Variants in PCGF6 observed in about 807,000 individuals in gnomAD.
PCGF6 encodes the protein polycomb group ring finger 6.
Under a neutral mutation model 45.5 loss-of-function variants are expected in PCGF6, and 24 were observed. The observed-to-expected ratio is 0.53, with a 90% CI of 0.38 to 0.74. PCGF6 has a LOEUF of 0.74. Among genes scored for constraint, PCGF6 ranks in the 30% least tolerant of loss-of-function variants. The probability of loss-of-function intolerance (pLI) is 0.00; values close to 1 mark genes in which losing one functional copy is unlikely to be tolerated. For synonymous variants in PCGF6, 152 were observed against 162.1 expected (o/e 0.94, Z 0.47); for missense variants, 356 against 443.2 (o/e 0.80, Z 1.77).
At chr10:103,349,089 C>A in intron 1 of PCGF6, 90 bp from the exon 2 acceptor site, 1 of 1,142,474 alleles carries the variant, frequency 8.8e-7, no homozygotes, top group Admixed American at 2.3e-5. Context: ...CACTCTGTAG[C>A]CCAAGCTGAG....
At chr10:103,315,682 A>G (rs1390800969) in intron 8 of PCGF6, among the ~76,000 whole-genome samples, 1 of 150,982 alleles carries the variant, frequency 6.6e-6, no homozygotes, top group East Asian at 2.0e-4. Flanking sequence ...TCTTTTTTCA[A>G]TTTTTGTAGA....
intron 8 of PCGF6, among the ~76,000 whole-genome samples, chr10:103,319,998 G>C (rs1304013789): frequency 6.6e-6 from 1 of 151,960 alleles, no homozygotes; most frequent in African/African-American, 2.4e-5. Flanking sequence ...AGTAGAGATG[G>C]GGTTTCACCA....
At chr10:103,323,279 A>C (rs920078788) in intron 8 of PCGF6, among the ~76,000 whole-genome samples, 3 of 152,164 alleles carry the variant, frequency 2.0e-5, no homozygotes, top group Non-Finnish European at 2.9e-5. Context: ...ATCGGTACTA[A>C]AAACACTAGC....
rs543539041 is a variant in PCGF6, at chr10:103,317,181, T to C, written c.910-2909A>G. ...GCACGCCACCACACTCGGCTAATTT[T>C]TGTATTTTTAGTGGAGATGGGATTT... On this transcript the variant is annotated intron_variant, in intron 8 of 9. Coordinates refer to ENST00000369847, the MANE Select transcript of PCGF6 (RefSeq NM_001011663.2). 1.1e-4 allele frequency among the ~76,000 whole-genome samples: 16 copies of C among 152,192 alleles called. No homozygotes were observed. In the South Asian group the frequency reaches 1.2e-3, roughly 12 times the overall value.
At chr10:103,347,513 G>A (rs1270972050) in intron 3 of PCGF6, 63 bp from the exon 4 acceptor site, 15 of 1,351,118 alleles carry the variant, frequency 1.1e-5, no homozygotes, top group African/African-American at 1.5e-5. Context: ...GGTACAGAGT[G>A]AGTTAATTGT....
At chr10:103,312,932 G>C (rs986144527) in intron 9 of PCGF6, among the ~76,000 whole-genome samples, 1 of 152,048 alleles carries the variant, frequency 6.6e-6, no homozygotes, top group African/African-American at 2.4e-5. Flanking sequence ...CTGCACTCCA[G>C]CCTGGGCGAC....
chr10:103,349,053 CTT>C (rs375964723), intron 1 of PCGF6, 54 bp from the exon 2 acceptor site: 2,864 of 1,149,064 alleles, frequency 2.5e-3, no homozygotes, highest in Admixed American at 3.1e-3. Context: ...TTTACAAATT[CTT>C]TTTTTTTTTT....
At chr10:103,348,870 A>C (rs1177514358) in intron 2 of PCGF6, 30 bp downstream of exon 2, 1 of 1,603,914 alleles carries the variant, frequency 6.2e-7, no homozygotes, top group Admixed American at 1.7e-5. Flanking sequence ...AAACTGAAAA[A>C]TTATTCAGAA....
chr10:103,326,648 G>C lies in PCGF6; in HGVS notation c.811-16C>G. ...TTTCCAATGGCTACAAAAACAGACA[G>C]ATAAAACTATTTTTAGGTTAAATAT... On this transcript the variant is annotated splice_polypyrimidine_tract_variant and intron_variant, in intron 7 of 9. Transcript: ENST00000369847. 3 of 1,592,802 alleles carry C rather than the reference G, an allele frequency of 1.9e-6. No homozygotes were observed. Among genetic ancestry groups the C allele is most frequent in the Non-Finnish European group, 2.6e-6 (3 of 1,166,280 alleles).
chr10:103,320,456 G>A (rs968167759), intron 8 of PCGF6, among the ~76,000 whole-genome samples: 1 of 152,174 alleles, frequency 6.6e-6, no homozygotes, highest in African/African-American at 2.4e-5. Context: ...GGAGGCCGAG[G>A]TGGGCAGATT....
rs1292032963 is a variant in PCGF6, at chr10:103,342,869, TTA to T, written c.782+2153_782+2154del. ...TCTTCTAATTTTTCCAAAGGGATCT[TTA>T]TGTCATTATCATCAACCACTACTAT... On this transcript the variant is annotated intron_variant, in intron 6 of 9. Coordinates refer to ENST00000369847, the MANE Select transcript of PCGF6 (RefSeq NM_001011663.2). 6.6e-5 allele frequency among the ~76,000 whole-genome samples: 10 copies of T among 152,318 alleles called. No individual in the cohort carries two copies. In the South Asian group the frequency reaches 1.2e-3, roughly 19 times the overall value.
intron 8 of PCGF6, among the ~76,000 whole-genome samples, chr10:103,319,319 T>G (rs558495328): frequency 1.3e-5 from 2 of 152,010 alleles, no homozygotes; most frequent in Non-Finnish European, 2.9e-5. Flanking sequence ...AGCTAATTTT[T>G]TTTTTGTATT....
intron 8 of PCGF6, among the ~76,000 whole-genome samples, chr10:103,314,954 T>TAAAA (rs60182387): frequency 5.2e-4 from 30 of 57,164 alleles, no homozygotes; most frequent in East Asian, 1.2e-3. Context: ...GACTCTGTCA[T>TAAAA]AAAAAAAAAA....
intron 7 of PCGF6, among the ~76,000 whole-genome samples, chr10:103,328,015 C>T (rs2093225644): frequency 6.6e-6 from 1 of 152,020 alleles, no homozygotes. Context: ...AGATCACTAT[C>T]TAGACACATG....
chr10:103,345,626 G>A (rs955167305), intron 5 of PCGF6, among the ~76,000 whole-genome samples: 3 of 151,330 alleles, frequency 2.0e-5, no homozygotes, highest in Non-Finnish European at 3.0e-5. Flanking sequence ...TCAGGAGTTC[G>A]AGACCAGCCT....
intron 7 of PCGF6, among the ~76,000 whole-genome samples, chr10:103,328,103 T>C (rs936163010): frequency 1.3e-5 from 2 of 152,158 alleles, no homozygotes; most frequent in African/African-American, 4.8e-5. Context: ...TAAAAACTAA[T>C]GCTTACCCAG....
At chr10:103,350,680 GC>G in intron 1 of PCGF6, 26 bp downstream of exon 1, 1 of 1,451,964 alleles carries the variant, frequency 6.9e-7, no homozygotes, top group Admixed American at 2.4e-5. Flanking sequence ...CTTGGGCCCA[GC>G]GGGGTCGCGC....
Position 103,309,810 on chromosome 10 carries a change from A to ATT in PCGF6, c.996+4375_996+4376insAA, listed in dbSNP as rs1383387118. Reference sequence around the variant, plus strand: ...GCCAGATGTGGTGGTGCACATCTGTAACGTCTGTTGTCCCAGCTACTTGGG... The same window carrying ATT: ...GCCAGATGTGGTGGTGCACATCTGTATTACGTCTGTTGTCCCAGCTACTTGGG... On this transcript the variant is annotated intron_variant, in intron 9 of 9. Transcript: ENST00000369847. Among the ~76,000 whole-genome samples the ATT allele has an allele frequency of 2.6e-5, 4 of 152,052 alleles. No homozygotes were observed. The East Asian group carries it at 5.8e-4, about 22-fold the overall frequency.
intron 7 of PCGF6, among the ~76,000 whole-genome samples, chr10:103,332,216 G>T (rs73334821): frequency 0.037 from 5,569 of 152,204 alleles, 349 homozygotes; most frequent in African/African-American, 0.13. Flanking sequence ...TTTTTCATGT[G>T]TAAGAACCAC....
Sources: gnomAD v4.1 joint callset for allele counts (sites outside exome capture counted in the v4.1 genomes callset) on GRCh38, gnomAD v4.1.1 for gene constraint, MANE v1.5 for transcripts, NCBI Gene and HGNC (gene_info 2026-07-23, HGNC 2026-07-21) for gene names.